Variants in RMC1 observed in about 807,000 individuals in gnomAD.
RMC1 encodes regulator of MON1-CCZ1 complex.
Under a neutral mutation model 95.5 loss-of-function variants are expected in RMC1, and 44 were observed. That is an observed-to-expected ratio of 0.46 (90% confidence interval 0.36 to 0.59). The LOEUF is 0.59. Among genes scored for constraint, RMC1 ranks in the 20% least tolerant of loss-of-function variants. RMC1 has a pLI of 0.00. For missense variants in RMC1, 705 were observed against 819.6 expected, an observed-to-expected ratio of 0.86 and a Z score of 1.71; for synonymous variants, 320 against 303.6, an observed-to-expected ratio of 1.05 and a Z score of -0.56.
rs1024959433 is a variant in RMC1 at position 23,529,226 on chromosome 18, G to T, written c.1344G>T (p.Pro448=). 5 of 1,614,000 alleles carry T rather than the reference G, an allele frequency of 3.1e-6. No homozygotes were observed. The highest frequency in any genetic ancestry group is 4.2e-6 in the Non-Finnish European group (5 of 1,179,996). The change falls in exon 15 of 20, where the codon CCG becomes CCT. Residue 448 remains proline (P), a synonymous_variant. Coordinates refer to ENST00000269221, the MANE Select transcript of RMC1 (RefSeq NM_013326.5). Reference sequence around the variant, plus strand: ...GAAGCAGCCCGCTCCTCAAGAGGCCGGTGCGGACCCAGGCGGTGCTGGACC... The same window carrying T: ...GAAGCAGCCCGCTCCTCAAGAGGCCTGTGCGGACCCAGGCGGTGCTGGACC... ...QSRSSPLLKR[P]VRTQAVLDQS... is the part of the protein sequence containing the mutation.
At chr18:23,527,223 CAAAAAA>C (rs386387173) in intron 13 of RMC1, among the ~76,000 whole-genome samples, 6 of 43,650 alleles carry the variant, frequency 1.4e-4, no homozygotes, top group Non-Finnish European at 2.6e-4. Context: ...CCTGTCTCTA[CAAAAAA>C]AAAAAAAAAA....
At chr18:23,521,053 C>T (rs920236265) in intron 10 of RMC1, among the ~76,000 whole-genome samples, 6 of 152,190 alleles carry the variant, frequency 3.9e-5, no homozygotes, top group African/African-American at 1.4e-4. Context: ...TGGGGTTTCA[C>T]CATGTTGGCC....
chr18:23,514,012 CCTGTTTCTTTTCATCTGTTCCAG>C (rs2057933152), intron 5 of RMC1, among the ~76,000 whole-genome samples: 1 of 152,150 alleles, frequency 6.6e-6, no homozygotes, highest in African/African-American at 2.4e-5. Flanking sequence ...GATGTACCTG[CCTGTTTCTTTTCATCTGTTCCAG>C]CTTCCTGACC....
chr18:23,531,755 C>G lies in RMC1; in HGVS notation c.*51C>G, dbSNP rs745521777. On this transcript the variant is annotated 3_prime_UTR_variant, in exon 20 of 20. Transcript: ENST00000269221. The stretch of plus-strand genomic sequence containing the variant: ...AAATGTGTACAAAGTTAATTTATTG[C>G]ATTAATAAAGCTCTTTAAACTATAA... The G allele has an allele frequency of 6.3e-7, 1 of 1,584,668 alleles. No homozygotes were observed.
intron 5 of RMC1, among the ~76,000 whole-genome samples, chr18:23,511,965 G>T (rs902632931): frequency 3.3e-5 from 5 of 151,600 alleles, no homozygotes; most frequent in Non-Finnish European, 7.4e-5. Context: ...CCTTTAGGAG[G>T]ACTGGATATT....
chr18:23,515,369 A>G (rs1010846471), intron 5 of RMC1, among the ~76,000 whole-genome samples: 1 of 152,146 alleles, frequency 6.6e-6, no homozygotes, highest in Non-Finnish European at 1.5e-5. Flanking sequence ...GTCGTGGCAA[A>G]GAGTAAATGA....
chr18:23,523,018 C>G (rs1471190428), intron 10 of RMC1: 1 of 152,244 alleles, frequency 6.6e-6, no homozygotes, highest in African/African-American at 2.4e-5. Flanking sequence ...TTAGGATCAT[C>G]TGGGGGGCCT....
In RMC1 at chr18:23,521,504, C is replaced by T. The variant is rs375074221; in HGVS notation, c.961+1191C>T. 1.3e-4 allele frequency among the ~76,000 whole-genome samples: 20 copies of T among 152,230 alleles called. No individual in the cohort carries two copies. The South Asian group carries it at 2.7e-3, about 21-fold the overall frequency. On this transcript the variant is annotated intron_variant, in intron 10 of 19. Coordinates refer to ENST00000269221, the MANE Select transcript of RMC1 (RefSeq NM_013326.5). ...GGACTGACAGTCACAGTAAGTGCTT[C>T]GGCTGTGGCTCTTAGGCTTACCCAA...
intron 13 of RMC1, among the ~76,000 whole-genome samples, chr18:23,527,589 CTTTT>C (rs71163615): frequency 1.8e-5 from 2 of 108,360 alleles, no homozygotes; most frequent in African/African-American, 7.2e-5. Context: ...CCTGCTATAG[CTTTT>C]TTTTTTTTTT....
Position 23,508,061 on chromosome 18 carries a change from CTCAGCTGCTGGT to C in RMC1, c.321+21_321+32del. ...TGCAAGGTATGACCCCAGGCCCTTT[CTCAGCTGCTGGT>C]GTCAGTGGTGTTGAGCTGGGTTATG... On this transcript the variant is annotated intron_variant, in intron 4 of 19. Transcript: ENST00000269221. 1 of 1,594,818 alleles carries C rather than the reference CTCAGCTGCTGGT, an allele frequency of 6.3e-7. No homozygotes were observed. The highest frequency in any genetic ancestry group is 1.7e-4 in the Middle Eastern group (1 of 5,882).
intron 3 of RMC1, 68 bp downstream of exon 3, chr18:23,507,122 A>T (rs2057735587): frequency 8.9e-7 from 1 of 1,118,438 alleles, no homozygotes; most frequent in African/African-American, 1.6e-5. Flanking sequence ...AAGGAATCGC[A>T]AATTTTCAGT....
Position 23,503,638 on chromosome 18 carries a change from A to C in RMC1, c.20A>C (p.Tyr7Ser). Reference sequence around the variant, plus strand: ...CCCGCCATGGGCGAGGAGGACTACTATCTGGAGCTGTGCGAGCGGCCGGTG... The same window carrying C: ...CCCGCCATGGGCGAGGAGGACTACTCTCTGGAGCTGTGCGAGCGGCCGGTG... The part of the protein sequence containing the change: MGEEDY[Y>S]LELCERPVQF... The change falls in exon 1 of 20, where the codon TAT (tyrosine) becomes TCT (serine). Residue 7 changes from tyrosine (Y) to serine (S), a missense_variant. Coordinates refer to ENST00000269221, the MANE Select transcript of RMC1 (RefSeq NM_013326.5). The C allele has an allele frequency of 1.9e-6, 3 of 1,585,050 alleles. No individual in the cohort carries two copies. The highest frequency in any genetic ancestry group is 1.1e-5 in the South Asian group (1 of 88,978).
At chr18:23,519,263 A>G (rs898454216) in intron 9 of RMC1, 89 bp downstream of exon 9, 2 of 1,188,340 alleles carry the variant, frequency 1.7e-6, no homozygotes, top group African/African-American at 1.5e-5. Flanking sequence ...CACGCCTGTA[A>G]TCCCAGCACT....
At chr18:23,530,845 T>G (rs1286150462) in intron 19 of RMC1, among the ~76,000 whole-genome samples, 1 of 152,154 alleles carries the variant, frequency 6.6e-6, no homozygotes, top group Non-Finnish European at 1.5e-5. Context: ...CAAGACACAT[T>G]TAGGACCCAG....
rs774130691 is a variant in RMC1, at chr18:23,507,985, G to C, written c.265G>C (p.Asp89His). The C allele has an allele frequency of 8.7e-6, 14 of 1,610,304 alleles. No homozygotes were observed. Among genetic ancestry groups the C allele is most frequent in the African/African-American group, 1.3e-5 (1 of 74,834 alleles). ...LAVQRTSKTV[D>H]FCNFIPDNSQ... The stretch of plus-strand genomic sequence containing the variant: ...TGTGTCTGTGTGTTTTTCCTTTCAG[G>C]ATTTTTGTAATTTTATCCCTGATAA... The change falls in exon 4 of 20, where the codon GAT (aspartate) becomes CAT (histidine). Residue 89 changes from aspartate to histidine, a missense_variant and splice_region_variant. Coordinates refer to ENST00000269221, the MANE Select transcript of RMC1 (RefSeq NM_013326.5).
intron 5 of RMC1, among the ~76,000 whole-genome samples, chr18:23,514,944 A>G (rs1489887028): frequency 6.6e-6 from 1 of 152,116 alleles, no homozygotes; most frequent in African/African-American, 2.4e-5. Context: ...CGGAATATTT[A>G]GGGTACATTG....
Position 23,503,520 on chromosome 18 carries a change from G to A in RMC1, c.-99G>A. 4 of 770,140 alleles carry A rather than the reference G, an allele frequency of 5.2e-6. No homozygotes were observed. The highest frequency in any genetic ancestry group is 7.2e-6 in the Non-Finnish European group (4 of 556,854). 47.7% of individuals were successfully genotyped at this position (770,140 alleles called of 1,614,324 possible). A position where few individuals can be genotyped will look rare whatever the true frequency, so the allele number is the denominator to read the frequency against. On this transcript the variant is annotated 5_prime_UTR_variant, in exon 1 of 20. Transcript: ENST00000269221. ...CGTCCGCGCCGGGCCCAGAGCCGCA[G>A]CCGCAGCCGCCGCTACAGTCCGGGC...
At chr18:23,510,334 C>T (rs1306005695) in intron 5 of RMC1, among the ~76,000 whole-genome samples, 1 of 149,470 alleles carries the variant, frequency 6.7e-6, no homozygotes, top group African/African-American at 2.5e-5. Context: ...AAAAAAAAAA[C>T]AAAAACACAA....
intron 16 of RMC1, 56 bp downstream of exon 16, chr18:23,529,768 ACAGT>A (rs1186761885): frequency 6.7e-6 from 10 of 1,487,820 alleles, no homozygotes; most frequent in African/African-American, 2.8e-5. Context: ...AAAAAAAAAC[ACAGT>A]CACTGTCTTA....
Sources: allele counts gnomAD v4.1 joint callset (sites outside exome capture counted in the v4.1 genomes callset), GRCh38; gene constraint gnomAD v4.1.1; transcripts MANE v1.5; gene names NCBI Gene and HGNC (gene_info 2026-07-23, HGNC 2026-07-21).